WDR7: variants seen among roughly 807,000 people sequenced by gnomAD.
WDR7 encodes WD repeat domain 7.
In WDR7, 46 loss-of-function variants were observed where a neutral mutation model predicts 169.4. That is an observed-to-expected ratio of 0.27 (90% CI 0.21 to 0.35). The LOEUF is 0.35. WDR7 is among the 10% of genes least tolerant of loss of function. The probability of loss-of-function intolerance (pLI) is 1.00; values close to 1 mark genes in which losing one functional copy is unlikely to be tolerated. For missense variants in WDR7, 1,534 were observed against 1,859.3 expected, an observed-to-expected ratio of 0.83 and a Z score of 3.22; for synonymous variants, 612 against 666.8, an observed-to-expected ratio of 0.92 and a Z score of 1.27.
rs112707732 is a variant in WDR7, at chr18:56,910,838, G to A, written c.3527-13084G>A. On this transcript the variant is annotated intron_variant, in intron 21 of 27. Transcript: ENST00000254442. ...TAGTATCTTGTGCTTTATCTTGAAA[G>A]GATCAGCGCATCCTTATTTGTAGAA... Among the ~76,000 whole-genome samples the A allele has an allele frequency of 1.7e-3, 262 of 152,256 alleles. 1 individual carries two copies. The highest frequency in any genetic ancestry group is 6.0e-3 in the African/African-American group (248 of 41,540).
In WDR7 at chr18:56,899,130, C is replaced by G. The variant is rs554640581; in HGVS notation, c.3526+18965C>G. Among the ~76,000 whole-genome samples, 141 of 152,054 alleles carry G rather than the reference C, an allele frequency of 9.3e-4. 3 individuals carry two copies. The highest frequency in any genetic ancestry group is 3.3e-3 in the African/African-American group (135 of 41,512). ...TTCCTTCCCCAATATTTCTCCCTTT[C>G]CAGTTTTCGAGGGTGCTATACAACC... On this transcript the variant is annotated intron_variant, in intron 21 of 27. Coordinates refer to ENST00000254442, the MANE Select transcript of WDR7 (RefSeq NM_015285.3).
chr18:56,850,946 C>G (rs1354081636), intron 20 of WDR7, among the ~76,000 whole-genome samples: 1 of 152,156 alleles, frequency 6.6e-6, no homozygotes, highest in Non-Finnish European at 1.5e-5. Context: ...CTCACTGCTC[C>G]CAAATCTAGT....
At chr18:56,998,168 A>T (rs960033245) in intron 26 of WDR7, among the ~76,000 whole-genome samples, 1 of 152,164 alleles carries the variant, frequency 6.6e-6, no homozygotes, top group Non-Finnish European at 1.5e-5. Flanking sequence ...AAAAGCCCCA[A>T]GGTATAAGCA....
chr18:56,802,095 C>T (rs924383544), intron 19 of WDR7, among the ~76,000 whole-genome samples: 1 of 152,182 alleles, frequency 6.6e-6, no homozygotes, highest in Non-Finnish European at 1.5e-5. Context: ...TTTCCTATTG[C>T]TCTGCATCTT....
intron 21 of WDR7, among the ~76,000 whole-genome samples, chr18:56,921,775 A>G (rs1278460257): frequency 6.6e-6 from 1 of 152,208 alleles, no homozygotes; most frequent in African/African-American, 2.4e-5. Flanking sequence ...GAAAATATCA[A>G]AACATCGACC....
Position 56,877,335 on chromosome 18 carries a change from C to G in WDR7, c.3305-2609C>G, listed in dbSNP as rs149970021. ...AATAAATATTCCTTCCTTCATCCTG[C>G]TACTTTTGCCACCATATCCTACCCT... On this transcript the variant is annotated intron_variant, in intron 20 of 27. Transcript: ENST00000254442. Among the ~76,000 whole-genome samples, 384 of 152,240 alleles carry G rather than the reference C, an allele frequency of 2.5e-3. 3 individuals carry two copies. The highest frequency in any genetic ancestry group is 2.1e-3 in the East Asian group (11 of 5,178).
intron 20 of WDR7, among the ~76,000 whole-genome samples, chr18:56,831,303 A>C (rs2045303996): frequency 6.6e-6 from 1 of 152,110 alleles, no homozygotes; most frequent in Non-Finnish European, 1.5e-5. Flanking sequence ...GGGATGCTAA[A>C]GGCAGGCCAG....
At chr18:56,767,927 T>C (rs1223877062) in intron 16 of WDR7, among the ~76,000 whole-genome samples, 1 of 152,234 alleles carries the variant, frequency 6.6e-6, no homozygotes. Context: ...CAGGATATAC[T>C]CAACGAATCA....
intron 19 of WDR7, among the ~76,000 whole-genome samples, chr18:56,788,208 GT>G (rs1384561256): frequency 1.3e-5 from 2 of 152,100 alleles, no homozygotes; most frequent in East Asian, 3.9e-4. Flanking sequence ...CAGAGTTATT[GT>G]TTTGGCCTAT....
At chr18:56,666,156 A>G (rs1432761387) in intron 1 of WDR7, among the ~76,000 whole-genome samples, 1 of 148,200 alleles carries the variant, frequency 6.7e-6, no homozygotes, top group Non-Finnish European at 1.5e-5. Context: ...TTGGGCACAT[A>G]GCATCCATCA....
chr18:56,739,894 A>G (rs971071210), intron 14 of WDR7, among the ~76,000 whole-genome samples: 4 of 87,718 alleles, frequency 4.6e-5, no homozygotes, highest in Non-Finnish European at 7.5e-5. Context: ...TTTTTTTTGT[A>G]TTTATACTGC....
Position 56,756,831 on chromosome 18 carries a change from G to T in WDR7, c.2238G>T (p.Val746=). ...GAGCAGCAGTTCTCTTCCAACAAGT[G>T]AAAGAAACGATCAAAGAGAACATCA... ...GKRAAVLFQQ[V]KETIKENIKE... Residue 746 remains valine (V), a synonymous_variant, in exon 15 of 28, where the codon GTG becomes GTT. Coordinates refer to ENST00000254442, the MANE Select transcript of WDR7 (RefSeq NM_015285.3). 1 of 1,614,038 alleles carries T rather than the reference G, an allele frequency of 6.2e-7. No individual in the cohort carries two copies. Among genetic ancestry groups the T allele is most frequent in the Non-Finnish European group, 8.5e-7 (1 of 1,180,022 alleles).
At chr18:56,867,132 C>G (rs184846902) in intron 20 of WDR7, among the ~76,000 whole-genome samples, 11 of 152,258 alleles carry the variant, frequency 7.2e-5, no homozygotes, top group African/African-American at 2.6e-4. Context: ...TCAAGCGATT[C>G]TCCCATCTCA....
intron 26 of WDR7, among the ~76,000 whole-genome samples, chr18:57,002,139 T>C (rs2145889199): frequency 6.6e-6 from 1 of 152,264 alleles, no homozygotes; most frequent in East Asian, 1.9e-4. Context: ...AAAAATTGTT[T>C]TGAGCTTCAG....
At chr18:56,657,902 T>C (rs2024812435) in intron 1 of WDR7, among the ~76,000 whole-genome samples, 1 of 152,096 alleles carries the variant, frequency 6.6e-6, no homozygotes, top group Admixed American at 6.5e-5. Context: ...TTTTTCAAAC[T>C]ATGTTGGTGA....
rs1271724955 is a variant in WDR7 at position 56,710,860 on chromosome 18, C to A, written c.1579-7104C>A. Among the ~76,000 whole-genome samples, 7 of 152,262 alleles carry A rather than the reference C, an allele frequency of 4.6e-5. No homozygotes were observed. The South Asian group carries it at 1.2e-3, about 27-fold the overall frequency. ...ATGAATTACTGCCAAGCAGTTGGAACATGCCTAGCAAAAAGTATCAACCCC... is the reference window on the plus strand; with the variant it reads ...ATGAATTACTGCCAAGCAGTTGGAAAATGCCTAGCAAAAAGTATCAACCCC... On this transcript the variant is annotated intron_variant, in intron 12 of 27. Coordinates refer to ENST00000254442, the MANE Select transcript of WDR7 (RefSeq NM_015285.3).
chr18:56,734,401 A>G (rs1357411924), intron 14 of WDR7, among the ~76,000 whole-genome samples: 7 of 152,138 alleles, frequency 4.6e-5, no homozygotes, highest in Middle Eastern at 3.4e-3. Flanking sequence ...TCTGTCTTCT[A>G]CCTACATCAC....
intron 19 of WDR7, among the ~76,000 whole-genome samples, chr18:56,811,739 T>G (rs557226656): frequency 2.0e-5 from 3 of 152,252 alleles, no homozygotes; most frequent in Admixed American, 1.3e-4. Flanking sequence ...GAGATTATCC[T>G]TCCCCCATCG....
intron 26 of WDR7, among the ~76,000 whole-genome samples, chr18:57,003,596 T>C (rs561558327): frequency 2.6e-4 from 40 of 152,232 alleles, no homozygotes; most frequent in Middle Eastern, 3.4e-3. Context: ...TGTTCAGGGA[T>C]TAATCTAGTA....
Sources: gnomAD v4.1 joint callset for allele counts (sites outside exome capture counted in the v4.1 genomes callset) on GRCh38, gnomAD v4.1.1 for gene constraint, MANE v1.5 for transcripts, NCBI Gene and HGNC (gene_info 2026-07-23, HGNC 2026-07-21) for gene names.